GRM5: variants seen among roughly 807,000 people sequenced by gnomAD.
GRM5 encodes the protein metabotropic glutamate receptor 5.
A neutral mutation model predicts 83.1 loss-of-function variants in GRM5; 19 were observed. The observed-to-expected ratio is 0.23, with a 90% confidence interval of 0.16 to 0.34. GRM5 has a LOEUF of 0.34. Among genes scored for constraint, GRM5 ranks in the 10% least tolerant of loss-of-function variants. GRM5 has a pLI of 1.00. For synonymous variants in GRM5, 675 were observed against 633.6 expected (o/e 1.07, Z -0.98); for missense variants, 1,160 against 1,588.3 (o/e 0.73, Z 4.58).
intron 4 of GRM5, among the ~76,000 whole-genome samples, chr11:88,611,268 T>C (rs867872358): frequency 6.6e-6 from 1 of 152,200 alleles, no homozygotes; most frequent in Non-Finnish European, 1.5e-5. Flanking sequence ...CTTGTATTTT[T>C]GGAATAATTT....
intron 2 of GRM5, among the ~76,000 whole-genome samples, chr11:88,856,309 A>C (rs2135546758): frequency 6.6e-6 from 1 of 152,090 alleles, no homozygotes; most frequent in Admixed American, 6.6e-5. Flanking sequence ...TGTTTTTCTT[A>C]CTTTTTAAAC....
At chr11:88,998,860 T>G (rs144011630) in intron 2 of GRM5, among the ~76,000 whole-genome samples, 3,201 of 152,224 alleles carry the variant, frequency 0.021, 113 homozygotes, top group African/African-American at 0.074. Flanking sequence ...ATCTACAAAG[T>G]ATACAGGCTT....
chr11:88,906,429 A>G (rs984048337), intron 2 of GRM5, among the ~76,000 whole-genome samples: 3 of 152,126 alleles, frequency 2.0e-5, no homozygotes. Flanking sequence ...GGCTTACTTA[A>G]ATATTTGTAC....
intron 4 of GRM5, among the ~76,000 whole-genome samples, chr11:88,638,930 T>C (rs1295974771): frequency 2.0e-5 from 3 of 152,170 alleles, no homozygotes; most frequent in African/African-American, 2.4e-5. Flanking sequence ...TTTAATTTTA[T>C]TGAATTTTCT....
chr11:88,748,061 C>CTG (rs1942180710), intron 3 of GRM5, among the ~76,000 whole-genome samples: 1 of 152,072 alleles, frequency 6.6e-6, no homozygotes, highest in Non-Finnish European at 1.5e-5. Context: ...AACCCCCATC[C>CTG]CCAGGCAAGG....
intron 1 of GRM5, among the ~76,000 whole-genome samples, chr11:89,049,695 CT>C (rs1483998712): frequency 3.9e-5 from 6 of 152,258 alleles, no homozygotes; most frequent in African/African-American, 1.4e-4. Context: ...AAAAGCTAAA[CT>C]TTTTAATATT....
At chr11:88,750,179 T>G (rs1942237537) in intron 3 of GRM5, among the ~76,000 whole-genome samples, 1 of 152,112 alleles carries the variant, frequency 6.6e-6, no homozygotes, top group Non-Finnish European at 1.5e-5. Flanking sequence ...TGTAATGCTG[T>G]CTTTAAGAGA....
At chr11:88,616,810 C>A (rs923502440) in intron 4 of GRM5, among the ~76,000 whole-genome samples, 2 of 152,146 alleles carry the variant, frequency 1.3e-5, no homozygotes, top group Admixed American at 6.5e-5. Flanking sequence ...GTTTACATAA[C>A]TATCTCTAAC....
At chr11:88,784,433 G>A (rs1943027775) in intron 3 of GRM5, among the ~76,000 whole-genome samples, 2 of 152,026 alleles carry the variant, frequency 1.3e-5, no homozygotes. Context: ...ATTACACTAA[G>A]TGCTTTGAAT....
chr11:88,627,512 T>C (rs1302639021), intron 4 of GRM5, among the ~76,000 whole-genome samples: 1 of 152,172 alleles, frequency 6.6e-6, no homozygotes, highest in African/African-American at 2.4e-5. Flanking sequence ...CTGCATGTCA[T>C]TAAGATGTCA....
At chr11:88,729,241 C>T (rs1011825795) in intron 3 of GRM5, among the ~76,000 whole-genome samples, 8 of 151,870 alleles carry the variant, frequency 5.3e-5, no homozygotes, top group Non-Finnish European at 7.4e-5. Flanking sequence ...AACAGACAAA[C>T]AGAGAGCCAA....
At chr11:88,900,210 A>G (rs1291982876) in intron 2 of GRM5, among the ~76,000 whole-genome samples, 1 of 152,152 alleles carries the variant, frequency 6.6e-6, no homozygotes, top group Non-Finnish European at 1.5e-5. Flanking sequence ...TAAAAACTAT[A>G]TGTATAGTGA....
intron 3 of GRM5, among the ~76,000 whole-genome samples, chr11:88,691,584 T>A (rs143589763): frequency 6.6e-6 from 1 of 152,328 alleles, no homozygotes; most frequent in East Asian, 1.9e-4. Context: ...CTATGTCTGC[T>A]CTCTGCCATC....
chr11:88,785,772 T>A (rs1395728097), intron 3 of GRM5, among the ~76,000 whole-genome samples: 1 of 152,000 alleles, frequency 6.6e-6, no homozygotes, highest in Non-Finnish European at 1.5e-5. Flanking sequence ...TAAGAAAGAG[T>A]ATCCATATGT....
intron 2 of GRM5, among the ~76,000 whole-genome samples, chr11:88,974,149 C>T (rs1433442741): frequency 1.3e-5 from 2 of 152,170 alleles, no homozygotes; most frequent in Non-Finnish European, 1.5e-5. Flanking sequence ...AAGGTTCATG[C>T]CAGTTGAACC....
At chr11:89,035,496 A>G (rs1183128766) in intron 2 of GRM5, among the ~76,000 whole-genome samples, 3 of 151,892 alleles carry the variant, frequency 2.0e-5, no homozygotes, top group Non-Finnish European at 4.4e-5. Context: ...ACCAAGCAAT[A>G]TGAAGACAGT....
intron 9 of GRM5, among the ~76,000 whole-genome samples, chr11:88,513,071 CT>C (rs1469739759): frequency 6.6e-6 from 1 of 152,128 alleles, no homozygotes; most frequent in South Asian, 2.1e-4. Context: ...TCCTCTCTTC[CT>C]TTTTGCTTAA....
chr11:89,021,975 C>A (rs1662334012), intron 2 of GRM5, among the ~76,000 whole-genome samples: 2 of 152,070 alleles, frequency 1.3e-5, no homozygotes, highest in African/African-American at 4.8e-5. Flanking sequence ...TGAGTTAAAC[C>A]ACATGAGAAT....
intron 2 of GRM5, among the ~76,000 whole-genome samples, chr11:88,935,019 G>C (rs761852359): frequency 5.3e-5 from 8 of 151,882 alleles, no homozygotes; most frequent in Admixed American, 2.6e-4. Flanking sequence ...GCTAGGTACT[G>C]TTGTGATTAG....
Sources: gnomAD v4.1 joint callset for allele counts (sites outside exome capture counted in the v4.1 genomes callset) on GRCh38, gnomAD v4.1.1 for gene constraint, MANE v1.5 for transcripts, NCBI Gene and HGNC (gene_info 2026-07-23, HGNC 2026-07-21) for gene names.